The following MAP3K19 variants were observed in gnomAD, a reference collection of about 807,000 sequenced individuals.
The protein encoded by MAP3K19 is SPS1/STE20-related protein kinase YSK4.
A neutral mutation model predicts 114.4 loss-of-function variants in MAP3K19; 91 were observed. The observed-to-expected ratio is 0.80, with a 90% CI of 0.67 to 0.95. The LOEUF (loss-of-function observed/expected upper bound fraction) is 0.95. Among genes scored for constraint, MAP3K19 ranks in the 40% least tolerant of loss-of-function variants. The pLI is 0.00. For missense variants in MAP3K19, 1,471 were observed against 1,573.2 expected, an observed-to-expected ratio of 0.94 and a Z score of 1.10; for synonymous variants, 518 against 530.5, an observed-to-expected ratio of 0.98 and a Z score of 0.32.
intron 12 of MAP3K19, among the ~76,000 whole-genome samples, chr2:134,969,183 A>G: frequency 1.5e-5 from 2 of 133,748 alleles, no homozygotes; most frequent in Non-Finnish European, 3.1e-5. Context: ...CCCCGTCTCC[A>G]CCAAAAAAAA....
At chr2:135,017,758 A>G (rs190191112) in intron 5 of MAP3K19, among the ~76,000 whole-genome samples, 14 of 152,214 alleles carry the variant, frequency 9.2e-5, no homozygotes, top group Middle Eastern at 3.4e-3. Context: ...AGGTTTTACC[A>G]TTCTCCATGC....
chr2:135,035,991 C>T (rs1301354674), intron 2 of MAP3K19, among the ~76,000 whole-genome samples: 3 of 152,068 alleles, frequency 2.0e-5, no homozygotes, highest in Admixed American at 1.3e-4. Flanking sequence ...CCCACCATGA[C>T]GCCCGGCTAA....
intron 5 of MAP3K19, among the ~76,000 whole-genome samples, chr2:135,015,269 T>C (rs1687505827): frequency 1.3e-5 from 2 of 152,198 alleles, no homozygotes; most frequent in Admixed American, 1.3e-4. Context: ...CACATTGTTG[T>C]TTAAAATTAC....
At chr2:135,028,188 A>G (rs1688299723) in intron 3 of MAP3K19, among the ~76,000 whole-genome samples, 1 of 152,208 alleles carries the variant, frequency 6.6e-6, no homozygotes, top group South Asian at 2.1e-4. Flanking sequence ...GAATGTAAAA[A>G]GTACTTAGCA....
At chr2:135,011,533 T>C (rs1262326702) in intron 5 of MAP3K19, among the ~76,000 whole-genome samples, 7 of 118,950 alleles carry the variant, frequency 5.9e-5, no homozygotes, top group Admixed American at 5.2e-4. Context: ...CGAGACTCTG[T>C]CTCAAAAAAA....
intron 6 of MAP3K19, among the ~76,000 whole-genome samples, chr2:135,003,008 T>A (rs1280130153): frequency 6.6e-6 from 1 of 152,174 alleles, no homozygotes; most frequent in African/African-American, 2.4e-5. Flanking sequence ...GAAGGTTACA[T>A]GAGGTGTCAA....
At chr2:135,036,438 AATAG>A (rs1688525559) in intron 2 of MAP3K19, among the ~76,000 whole-genome samples, 1 of 152,214 alleles carries the variant, frequency 6.6e-6, no homozygotes, top group Admixed American at 6.5e-5. Context: ...GTTTAAGATA[AATAG>A]ATAATGATGC....
intron 12 of MAP3K19, among the ~76,000 whole-genome samples, chr2:134,974,464 A>G (rs574969062): frequency 6.6e-6 from 1 of 152,284 alleles, no homozygotes; most frequent in East Asian, 1.9e-4. Flanking sequence ...TTTGACTACA[A>G]TGTACCCTGG....
intron 2 of MAP3K19, among the ~76,000 whole-genome samples, chr2:135,032,593 T>A (rs1011959117): frequency 4.7e-5 from 7 of 147,958 alleles, no homozygotes; most frequent in East Asian, 1.9e-4. Flanking sequence ...GTTTTTTTTT[T>A]AATTTAATTT....
At position 134,999,054 on chromosome 2, in the gene MAP3K19, C is replaced by T; in HGVS notation, c.315-57G>A. The stretch of plus-strand genomic sequence containing the variant: ...CTCAGTTGCCACATCTTCTGGATCT[C>T]CAGTCCTCAGTTCAGCCTGACATCA... On this transcript the variant is annotated intron_variant, in intron 7 of 12. Transcript: ENST00000392915. The surrounding 1 kb of genome is among the most constrained non-coding windows in gnomAD (Gnocchi z 4.1). 1 of 1,564,258 alleles carries T rather than the reference C, an allele frequency of 6.4e-7. No individual in the cohort carries two copies. The highest frequency in any genetic ancestry group is 1.4e-5 in the African/African-American group (1 of 73,158).
At chr2:135,014,084 G>C (rs558199245) in intron 5 of MAP3K19, among the ~76,000 whole-genome samples, 55 of 152,290 alleles carry the variant, frequency 3.6e-4, no homozygotes, top group African/African-American at 1.3e-3. Flanking sequence ...TCGGGCCAGT[G>C]GTTCACATCT....
At chr2:134,982,535 G>A (rs1437180307) in intron 11 of MAP3K19, among the ~76,000 whole-genome samples, 3 of 151,690 alleles carry the variant, frequency 2.0e-5, no homozygotes, top group Non-Finnish European at 4.4e-5. Flanking sequence ...ATTTTTAGTA[G>A]AGACGGGGTT....
At chr2:135,032,591 TTTAA>T (rs1295656210) in intron 2 of MAP3K19, among the ~76,000 whole-genome samples, 3 of 148,232 alleles carry the variant, frequency 2.0e-5, no homozygotes, top group African/African-American at 7.8e-5. Context: ...TTGTTTTTTT[TTTAA>T]TTTAATTTAA....
At chr2:135,033,668 A>C (rs1309381615) in intron 2 of MAP3K19, among the ~76,000 whole-genome samples, 3 of 444 alleles carry the variant, frequency 6.8e-3, no homozygotes, top group East Asian at 0.05. Context: ...GGCGCCCCCC[A>C]CCCCCCGGAC....
At chr2:135,047,092 A>G (rs1347834836) in intron 1 of MAP3K19, 93 bp downstream of exon 1, 1 of 152,252 alleles carries the variant, frequency 6.6e-6, no homozygotes, top group Non-Finnish European at 1.5e-5. Flanking sequence ...TCAGTTTACC[A>G]GGCATTCCTC....
chr2:134,989,697 A>C (rs192922738), intron 9 of MAP3K19, among the ~76,000 whole-genome samples: 2 of 152,332 alleles, frequency 1.3e-5, no homozygotes, highest in East Asian at 3.9e-4. Flanking sequence ...CTTTCCAAAA[A>C]CTTATAAATT....
intron 12 of MAP3K19, among the ~76,000 whole-genome samples, chr2:134,973,600 A>T (rs987215717): frequency 1.3e-5 from 2 of 152,024 alleles, no homozygotes; most frequent in African/African-American, 4.8e-5. Flanking sequence ...ATTTTAATCC[A>T]TTTATGTTCT....
chr2:135,024,812 G>T, intron 3 of MAP3K19, 71 bp from the exon 4 acceptor site: 1 of 588,690 alleles, frequency 1.7e-6, no homozygotes, highest in South Asian at 2.4e-5. Context: ...TAATATGAGA[G>T]GGAAACATTT....
At chr2:134,991,478 T>A (rs765577520) in intron 9 of MAP3K19, 59 bp downstream of exon 9, 1 of 1,434,552 alleles carries the variant, frequency 7.0e-7, no homozygotes, top group South Asian at 1.1e-5. Context: ...GGTTCTAAAT[T>A]AGTGAATAGA....
Sources: allele counts gnomAD v4.1 joint callset (sites outside exome capture counted in the v4.1 genomes callset), GRCh38; gene constraint gnomAD v4.1.1; non-coding constraint Gnocchi (gnomAD v3.1); transcripts MANE v1.5; gene names NCBI Gene and HGNC (gene_info 2026-07-23, HGNC 2026-07-21).